The following DHX30 variants were observed in gnomAD, a reference collection of about 807,000 sequenced individuals.
DHX30 encodes the protein ATP-dependent RNA helicase DHX30.
A neutral mutation model predicts 116.9 loss-of-function variants in DHX30; 4 were observed. That is an observed-to-expected ratio of 0.03 (90% CI 0.02 to 0.08). The LOEUF is 0.08. Among genes scored for constraint, DHX30 ranks in the 10% least tolerant of loss-of-function variants. The probability of loss-of-function intolerance (pLI) is 1.00; values close to 1 mark genes in which losing one functional copy is unlikely to be tolerated. For missense variants in DHX30, 871 were observed against 1,595.1 expected (o/e 0.55, Z 7.73); for synonymous variants, 697 against 651.7 (o/e 1.07, Z -1.06).
At chr3:47,834,234 G>C (rs186208906) in intron 6 of DHX30, among the ~76,000 whole-genome samples, 1 of 152,182 alleles carries the variant, frequency 6.6e-6, no homozygotes, top group East Asian at 1.9e-4. Context: ...CTCCCGAGTA[G>C]CTGGGACTAC....
At chr3:47,813,103 C>G (rs1255384645) in intron 3 of DHX30, among the ~76,000 whole-genome samples, 1 of 151,872 alleles carries the variant, frequency 6.6e-6, no homozygotes, top group East Asian at 2.0e-4. Flanking sequence ...CTTTGGGAGG[C>G]CGAGGCAGGC....
intron 9 of DHX30, among the ~76,000 whole-genome samples, chr3:47,844,654 G>C (rs906235687): frequency 6.6e-6 from 1 of 152,248 alleles, no homozygotes; most frequent in African/African-American, 2.4e-5. Context: ...TCTTTAAGGA[G>C]GGAGTGTTTG....
At chr3:47,816,738 G>A (rs1454193915) in intron 3 of DHX30, 4 of 985,606 alleles carry the variant, frequency 4.1e-6, no homozygotes, top group Non-Finnish European at 4.8e-6. Flanking sequence ...AGCCACTGTG[G>A]TGAAGGAGTG....
rs781688071 is a variant in DHX30, at chr3:47,848,000, C to T, written c.2286+44C>T. 6.2e-7 allele frequency: 1 copy of T among 1,607,794 alleles called. No homozygotes were observed. The highest frequency in any genetic ancestry group is 8.5e-7 in the Non-Finnish European group (1 of 1,175,390). ...GCCCGGCCAACCACTGGGGGAGGGA[C>T]TCCGTTTTGAGGTGGTCCCCAGCCC... is the stretch of plus-strand genomic sequence containing the variant. On this transcript the variant is annotated intron_variant, in intron 14 of 21. Transcript: ENST00000445061. This position sits in a 1 kb window ranked among gnomAD's most constrained non-coding sequence, Gnocchi z 5.5.
chr3:47,849,820 G>A (rs1484758857), intron 21 of DHX30, 47 bp from the exon 22 acceptor site: 3 of 1,607,974 alleles, frequency 1.9e-6, no homozygotes, highest in East Asian at 2.2e-5. Context: ...TGCTCCTCCG[G>A]GGCCTGGCCT....
At chr3:47,838,809 C>G (rs2037236102) in intron 6 of DHX30, among the ~76,000 whole-genome samples, 1 of 152,208 alleles carries the variant, frequency 6.6e-6, no homozygotes, top group Non-Finnish European at 1.5e-5. Flanking sequence ...TCATCTCACC[C>G]ACGTCTTTGT....
rs759827251 is a variant in DHX30 at position 47,850,000 on chromosome 3, C to T, written c.3465C>T (p.Ser1155=). The change falls in exon 22 of 22, where the codon AGC becomes AGT. Residue 1155 remains serine (S), a synonymous_variant. Coordinates refer to ENST00000445061, the MANE Select transcript of DHX30 (RefSeq NM_138615.3). ...LGRMVERSLR[S]ELAALPPSVQ... ...GCATGGTGGAGCGGAGCCTGCGCAGCGAGCTGGCTGCACTTCCCCCCAGCG... is the reference window on the plus strand; with the variant it reads ...GCATGGTGGAGCGGAGCCTGCGCAGTGAGCTGGCTGCACTTCCCCCCAGCG... 25 of 1,611,646 alleles carry T rather than the reference C, an allele frequency of 1.6e-5. No individual in the cohort carries two copies. Among genetic ancestry groups the T allele is most frequent in the East Asian group, 6.7e-5 (3 of 44,852 alleles).
chr3:47,810,560 A>T, intron 2 of DHX30, 97 bp from the exon 3 acceptor site: 1 of 1,010,648 alleles, frequency 9.9e-7, no homozygotes, highest in Non-Finnish European at 1.5e-6. Context: ...CATTTTTTTC[A>T]TTTTCTGAAC....
At chr3:47,840,052 A>G (rs1398580864) in intron 6 of DHX30, among the ~76,000 whole-genome samples, 1 of 147,336 alleles carries the variant, frequency 6.8e-6, no homozygotes, top group Non-Finnish European at 1.5e-5. Context: ...GTTGGAGTGC[A>G]GTGCCATGAT....
intron 4 of DHX30, among the ~76,000 whole-genome samples, chr3:47,823,075 A>G (rs2036368506): frequency 6.7e-6 from 1 of 149,186 alleles, no homozygotes; most frequent in Non-Finnish European, 1.5e-5. Context: ...CCTGGGCAAC[A>G]GAGCGAGACT....
In DHX30 at chr3:47,841,828, G is replaced by C. The variant is rs1382362171; in HGVS notation, c.789+91G>C. 1.9e-6 allele frequency: 3 copies of C among 1,573,442 alleles called. No individual in the cohort carries two copies. The African/African-American group carries it at 4.1e-5, about 21-fold the overall frequency. On this transcript the variant is annotated intron_variant, in intron 8 of 21. Transcript: ENST00000445061. ...AGGCAGGTTTAGAGAGGGCTGAGGGGGTGTGTTCCTCCAGCCCAAACCTAG... is the reference window on the plus strand; with the variant it reads ...AGGCAGGTTTAGAGAGGGCTGAGGGCGTGTGTTCCTCCAGCCCAAACCTAG...
intron 1 of DHX30, among the ~76,000 whole-genome samples, chr3:47,803,694 C>G (rs759690526): frequency 3.9e-4 from 59 of 152,220 alleles, no homozygotes; most frequent in Non-Finnish European, 6.9e-4. Context: ...AGTTTGCCCC[C>G]TTTTGCACCG....
intron 6 of DHX30, among the ~76,000 whole-genome samples, chr3:47,839,875 A>T (rs1168944381): frequency 6.6e-6 from 1 of 151,626 alleles, no homozygotes; most frequent in African/African-American, 2.4e-5. Flanking sequence ...GGGTTTCGCC[A>T]TGTTGGCCAG....
At chr3:47,834,670 G>A (rs1271700665) in intron 6 of DHX30, among the ~76,000 whole-genome samples, 2 of 151,968 alleles carry the variant, frequency 1.3e-5, no homozygotes, top group East Asian at 3.9e-4. Flanking sequence ...GTGTTGCCCA[G>A]ACTGGTCTTG....
chr3:47,825,521 C>A (rs889038453), intron 4 of DHX30, among the ~76,000 whole-genome samples: 1 of 152,212 alleles, frequency 6.6e-6, no homozygotes, highest in Admixed American at 6.5e-5. Context: ...AGTCCAACTC[C>A]TGCCAGGATG....
intron 6 of DHX30, among the ~76,000 whole-genome samples, chr3:47,836,178 T>G (rs1264783010): frequency 2.0e-5 from 3 of 151,790 alleles, no homozygotes. Context: ...AGTGCAATGG[T>G]GCAATGGCGT....
intron 3 of DHX30, among the ~76,000 whole-genome samples, chr3:47,811,788 G>A (rs1296687103): frequency 1.3e-5 from 2 of 152,024 alleles, no homozygotes; most frequent in African/African-American, 4.8e-5. Context: ...GATTGGCTGG[G>A]CATGATGGCT....
chr3:47,848,704 G>T lies in DHX30; in HGVS notation c.2656G>T (p.Ala886Ser). The T allele has an allele frequency of 6.2e-7, 1 of 1,614,180 alleles. No individual in the cohort carries two copies. The highest frequency in any genetic ancestry group is 1.1e-5 in the South Asian group (1 of 91,086). The change falls in exon 17 of 22, where the codon GCC (alanine) becomes TCC (serine). Residue 886 changes from alanine to serine, a missense_variant. By Grantham distance (99) the Ala-to-Ser change is moderately conservative (BLOSUM62 1). Transcript: ENST00000445061. The surrounding 1 kb of genome is among the most constrained non-coding windows in gnomAD (Gnocchi z 9.4). The part of the protein sequence containing the change: ...HISTDPRLAK[A>S]IVLAAIFRCL... ...CTCCACCGACCCCCGGTTGGCCAAGGCCATTGTGTTGGCTGCCATCTTCCG... is the reference window on the plus strand; with the variant it reads ...CTCCACCGACCCCCGGTTGGCCAAGTCCATTGTGTTGGCTGCCATCTTCCG...
intron 6 of DHX30, among the ~76,000 whole-genome samples, chr3:47,830,259 C>T (rs1365448943): frequency 1.3e-5 from 2 of 151,300 alleles, no homozygotes; most frequent in Admixed American, 1.3e-4. Context: ...ACCAGCCTGA[C>T]CAACATGGTG....
Sources: gnomAD v4.1 joint callset for allele counts (sites outside exome capture counted in the v4.1 genomes callset) on GRCh38, gnomAD v4.1.1 for gene constraint, Gnocchi (gnomAD v3.1) non-coding constraint, MANE v1.5 for transcripts, NCBI Gene and HGNC (gene_info 2026-07-23, HGNC 2026-07-21) for gene names.